RARB: variants seen among roughly 807,000 people sequenced by gnomAD.
The protein encoded by RARB is HBV-activated protein.
A neutral mutation model predicts 51.9 loss-of-function variants in RARB; 17 were observed. That is an observed-to-expected ratio of 0.33 (90% confidence interval 0.22 to 0.49). The LOEUF (loss-of-function observed/expected upper bound fraction) is 0.49, where lower values mean the gene tolerates loss of function less well. Ranked by LOEUF, RARB falls within the 20% of genes least tolerant of loss-of-function variation. The pLI is 0.99. For synonymous variants in RARB, 215 were observed against 195.4 expected (o/e 1.10, Z -0.84); for missense variants, 369 against 550.8 (o/e 0.67, Z 3.30).
At chr3:24,944,324 T>C (rs1163343787) in intron 2 of RARB, among the ~76,000 whole-genome samples, 1 of 152,206 alleles carries the variant, frequency 6.6e-6, no homozygotes, top group Non-Finnish European at 1.5e-5. Flanking sequence ...GTCCAGTGCT[T>C]GACACATAAT....
chr3:25,167,649 A>C (rs1454333041), intron 4 of RARB, among the ~76,000 whole-genome samples: 1 of 152,232 alleles, frequency 6.6e-6, no homozygotes, highest in East Asian at 1.9e-4. Context: ...TGATTATTGT[A>C]ACCCATCCCT....
intron 4 of RARB, among the ~76,000 whole-genome samples, chr3:25,161,250 GT>G (rs936096394): frequency 1.1e-4 from 17 of 151,016 alleles, no homozygotes; most frequent in Non-Finnish European, 2.4e-4. Context: ...GTTTCGCTAT[GT>G]TTGCCAGGTT....
At chr3:24,985,249 G>A (rs1696762429) in intron 2 of RARB, among the ~76,000 whole-genome samples, 1 of 152,092 alleles carries the variant, frequency 6.6e-6, no homozygotes, top group Non-Finnish European at 1.5e-5. Context: ...AAATGGAATG[G>A]GGCATTGAGA....
chr3:24,878,367 T>A (rs1703089779), intron 2 of RARB, among the ~76,000 whole-genome samples: 1 of 152,124 alleles, frequency 6.6e-6, no homozygotes, highest in African/African-American at 2.4e-5. Flanking sequence ...TTGTGATTTT[T>A]TTTTTCCCTG....
At chr3:25,396,913 G>A (rs929641260) in intron 5 of RARB, among the ~76,000 whole-genome samples, 5 of 152,112 alleles carry the variant, frequency 3.3e-5, no homozygotes, top group Admixed American at 6.6e-5. Context: ...TGTATATCTA[G>A]GCAACCAGTG....
chr3:24,873,165 C>A (rs1323381922), intron 2 of RARB, among the ~76,000 whole-genome samples: 3 of 152,182 alleles, frequency 2.0e-5, no homozygotes, highest in Non-Finnish European at 4.4e-5. Flanking sequence ...GAAACCTGTT[C>A]TACATTTGAT....
At chr3:25,398,005 C>G (rs188112019) in intron 5 of RARB, among the ~76,000 whole-genome samples, 114 of 152,104 alleles carry the variant, frequency 7.5e-4, no homozygotes, top group African/African-American at 2.6e-3. Context: ...AAAATTTAGG[C>G]TGAAGCTAAG....
intron 3 of RARB, among the ~76,000 whole-genome samples, chr3:25,074,185 C>A (rs1247302786): frequency 1.3e-5 from 2 of 152,162 alleles, no homozygotes; most frequent in Non-Finnish European, 1.5e-5. Flanking sequence ...TACTAACACA[C>A]AAAGGAATAG....
At chr3:25,167,356 G>C (rs191875818) in intron 4 of RARB, among the ~76,000 whole-genome samples, 288 of 152,326 alleles carry the variant, frequency 1.9e-3, no homozygotes, top group Non-Finnish European at 2.6e-3. Context: ...ACAAGAATAT[G>C]AGTGATGCTA....
intron 3 of RARB, among the ~76,000 whole-genome samples, chr3:25,108,062 A>G (rs1446036070): frequency 2.6e-5 from 4 of 152,186 alleles, no homozygotes; most frequent in African/African-American, 7.2e-5. Context: ...ACCGAGCTCT[A>G]TTAAATGACT....
chr3:25,375,584 A>AAT (rs967129885), intron 5 of RARB, among the ~76,000 whole-genome samples: 3 of 152,192 alleles, frequency 2.0e-5, no homozygotes, highest in South Asian at 4.1e-4. Flanking sequence ...GTATGGGGCT[A>AAT]ATATATATAG....
intron 1 of RARB, 129 bp from the exon 2 acceptor site, chr3:25,461,064 T>C: frequency 9.1e-7 from 1 of 1,099,090 alleles, no homozygotes; most frequent in Non-Finnish European, 1.3e-6. Context: ...GACAGCTGTT[T>C]TTATGAGCCC....
At chr3:25,211,217 A>G (rs1701688218) in intron 5 of RARB, among the ~76,000 whole-genome samples, 1 of 152,182 alleles carries the variant, frequency 6.6e-6, no homozygotes, top group Non-Finnish European at 1.5e-5. Context: ...ATATTATTTT[A>G]TTTGAGAGTG....
chr3:25,010,345 A>G (rs1697368040), intron 2 of RARB, among the ~76,000 whole-genome samples: 1 of 152,158 alleles, frequency 6.6e-6, no homozygotes, highest in Non-Finnish European at 1.5e-5. Context: ...CAGAATGTAA[A>G]GAATTGCTAT....
intron 3 of RARB, among the ~76,000 whole-genome samples, chr3:25,528,201 C>T (rs1303879972): frequency 6.6e-6 from 1 of 152,194 alleles, no homozygotes; most frequent in Admixed American, 6.5e-5. Context: ...TTCAAGGAAG[C>T]TTGTCAAACT....
At chr3:25,382,849 C>G (rs138175817) in intron 5 of RARB, among the ~76,000 whole-genome samples, 59 of 152,022 alleles carry the variant, frequency 3.9e-4, no homozygotes, top group African/African-American at 1.3e-3. Context: ...CAGACCAAGA[C>G]TCCATCTCAA....
intron 5 of RARB, among the ~76,000 whole-genome samples, chr3:25,421,036 A>G (rs1707844173): frequency 6.7e-6 from 1 of 149,458 alleles, no homozygotes; most frequent in Non-Finnish European, 1.5e-5. Context: ...ATTATGATCT[A>G]TTTCCTGTCT....
chr3:25,285,452 A>ATTTAAGGGGGCTGTTGG (rs1703626351), intron 5 of RARB, among the ~76,000 whole-genome samples: 2 of 152,268 alleles, frequency 1.3e-5, no homozygotes, highest in Non-Finnish European at 2.9e-5. Context: ...ATAGGAAGAC[A>ATTTAAGGGGGCTGTTGG]TTTAAGGGGG....
At chr3:25,366,802 T>C (rs1272298299) in intron 5 of RARB, among the ~76,000 whole-genome samples, 3 of 152,216 alleles carry the variant, frequency 2.0e-5, no homozygotes, top group Non-Finnish European at 4.4e-5. Context: ...AGTGAGAGCA[T>C]TTCCTAAATA....
Sources: allele counts gnomAD v4.1 joint callset (sites outside exome capture counted in the v4.1 genomes callset), GRCh38; gene constraint gnomAD v4.1.1; transcripts MANE v1.5; gene names NCBI Gene and HGNC (gene_info 2026-07-23, HGNC 2026-07-21).